The following APBB2 variants were observed in gnomAD, a reference collection of about 807,000 sequenced individuals.
APBB2 encodes the protein amyloid beta precursor protein binding family B member 2, also known as Fe65-like 1.
In APBB2, 38 loss-of-function variants were observed where a neutral mutation model predicts 82.5. That is an observed-to-expected ratio of 0.46 (90% CI 0.36 to 0.60). The LOEUF (loss-of-function observed/expected upper bound fraction) is 0.60. Ranked by LOEUF, APBB2 falls within the 20% of genes least tolerant of loss-of-function variation. APBB2 has a pLI of 0.00. For synonymous variants in APBB2, 341 were observed against 368.2 expected, an observed-to-expected ratio of 0.93 and a Z score of 0.85; for missense variants, 772 against 972.3, an observed-to-expected ratio of 0.79 and a Z score of 2.74.
chr4:41,033,355 AAAAG>A lies in APBB2; in HGVS notation c.-50-55_-50-52del, dbSNP rs1324394833. The stretch of plus-strand genomic sequence containing the variant: ...ATTAAAACTCCAAATAACAAAGCAT[AAAAG>A]AAAGAAAAGCATAGCAGTGAAAATC... On this transcript the variant is annotated intron_variant, in intron 4 of 17. Coordinates refer to ENST00000508593, the MANE Select transcript of APBB2 (RefSeq NM_004307.2). The A allele has an allele frequency of 5.9e-6, 7 of 1,187,964 alleles. No homozygotes were observed. In the African/African-American group the frequency reaches 1.1e-4, roughly 19 times the overall value. 73.6% of individuals were successfully genotyped at this position (1,187,964 alleles called of 1,614,324 possible).
intron 11 of APBB2, 103 bp from the exon 12 acceptor site, chr4:40,890,594 C>T: frequency 6.8e-7 from 1 of 1,460,380 alleles, no homozygotes; most frequent in Non-Finnish European, 9.2e-7. Context: ...CAGAAGAAGC[C>T]ACCCTGGGGT....
Position 40,939,071 on chromosome 4 carries a change from C to T in APBB2, c.1045-3932G>A, listed in dbSNP as rs181789122. On this transcript the variant is annotated intron_variant, in intron 7 of 17. Coordinates refer to ENST00000508593, the MANE Select transcript of APBB2 (RefSeq NM_004307.2). ...ACCCACTCAGGGCTCTGCAGAGAGTCCCCACCAGGAAGAAGGCCCTCATCA... is the reference window on the plus strand; with the variant it reads ...ACCCACTCAGGGCTCTGCAGAGAGTTCCCACCAGGAAGAAGGCCCTCATCA... 7.9e-3 allele frequency among the ~76,000 whole-genome samples: 1,201 copies of T among 152,276 alleles called. 19 individuals carry two copies. The highest frequency in any genetic ancestry group is 0.028 in the African/African-American group (1,150 of 41,554).
At chr4:40,889,503 A>G (rs940248550) in intron 12 of APBB2, among the ~76,000 whole-genome samples, 3 of 152,180 alleles carry the variant, frequency 2.0e-5, no homozygotes, top group African/African-American at 7.2e-5. Flanking sequence ...GCTCTTGTCC[A>G]TTTTCAACAA....
chr4:41,079,897 G>A (rs971498068), intron 3 of APBB2, among the ~76,000 whole-genome samples: 1 of 152,032 alleles, frequency 6.6e-6, no homozygotes, highest in African/African-American at 2.4e-5. Flanking sequence ...CCCATTCAGA[G>A]TTCTAAACCA....
At chr4:40,853,516 C>A (rs1760169992) in intron 12 of APBB2, among the ~76,000 whole-genome samples, 1 of 151,762 alleles carries the variant, frequency 6.6e-6, no homozygotes, top group South Asian at 2.1e-4. Context: ...ATGGCATGAT[C>A]TCGGCTCACT....
chr4:41,197,738 C>G, intron 1 of APBB2, among the ~76,000 whole-genome samples: 14 of 152,146 alleles, frequency 9.2e-5, no homozygotes, highest in Non-Finnish European at 1.6e-4. Context: ...CCTGATACTC[C>G]TAGGAGATTT....
intron 4 of APBB2, among the ~76,000 whole-genome samples, chr4:41,062,607 A>C (rs1329315334): frequency 6.6e-6 from 1 of 152,198 alleles, no homozygotes; most frequent in Admixed American, 6.5e-5. Context: ...TCAGAGATGG[A>C]AACCATGAGA....
intron 10 of APBB2, among the ~76,000 whole-genome samples, chr4:40,932,861 T>A (rs1784548213): frequency 6.6e-6 from 1 of 150,766 alleles, no homozygotes; most frequent in Non-Finnish European, 1.5e-5. Flanking sequence ...CTTGTTAAGA[T>A]GTTTTGTTTT....
Position 40,982,448 on chromosome 4 carries a change from A to AGAAAGAAAGAAAGAAG in APBB2, c.835+31134_835+31135insCTTCTTTCTTTCTTTC, listed in dbSNP as rs1491461148. ...AAGAAAGAAAGAAAGAAAGAAAGAA[A>AGAAAGAAAGAAAGAAG]GAAAGAATGAATGAATTTGAGACCA... On this transcript the variant is annotated intron_variant, in intron 6 of 17. Coordinates refer to ENST00000508593, the MANE Select transcript of APBB2 (RefSeq NM_004307.2). Among the ~76,000 whole-genome samples, 13 of 131,170 alleles carry AGAAAGAAAGAAAGAAG rather than the reference A, an allele frequency of 9.9e-5. 3 individuals carry two copies. Among genetic ancestry groups the AGAAAGAAAGAAAGAAG allele is most frequent in the African/African-American group, 3.8e-4 (13 of 34,448 alleles). 86.1% of individuals were successfully genotyped at this position (131,170 alleles called of 152,430 possible).
At chr4:41,024,238 C>A (rs1713012382) in intron 5 of APBB2, among the ~76,000 whole-genome samples, 1 of 152,148 alleles carries the variant, frequency 6.6e-6, no homozygotes, top group Admixed American at 6.5e-5. Flanking sequence ...GCCTGGAAGA[C>A]AGCCTAAGCA....
chr4:40,854,990 C>A (rs1452432800), intron 12 of APBB2, among the ~76,000 whole-genome samples: 3 of 152,178 alleles, frequency 2.0e-5, no homozygotes, highest in African/African-American at 7.2e-5. Context: ...CAGCTGCAGG[C>A]TCCTTTGAGA....
chr4:41,111,185 G>A (rs75431139), intron 2 of APBB2, among the ~76,000 whole-genome samples: 1,881 of 152,288 alleles, frequency 0.012, 19 homozygotes, highest in Non-Finnish European at 0.019. Flanking sequence ...AGGAGCAGCT[G>A]GAAATATAGA....
At chr4:40,817,041 A>C (rs1283704045) in intron 17 of APBB2, among the ~76,000 whole-genome samples, 1 of 152,176 alleles carries the variant, frequency 6.6e-6, no homozygotes, top group African/African-American at 2.4e-5. Flanking sequence ...TGGGAAGATA[A>C]CTAATTCTTT....
At chr4:40,872,197 T>C (rs1765687193) in intron 12 of APBB2, among the ~76,000 whole-genome samples, 1 of 152,238 alleles carries the variant, frequency 6.6e-6, no homozygotes, top group African/African-American at 2.4e-5. Context: ...GACTTTATCA[T>C]CAGCTTTAGA....
intron 2 of APBB2, among the ~76,000 whole-genome samples, chr4:41,141,270 G>A (rs780832162): frequency 6.6e-6 from 1 of 152,118 alleles, no homozygotes; most frequent in Non-Finnish European, 1.5e-5. Flanking sequence ...AGGAGATGCT[G>A]GGTTTAGGCA....
intron 4 of APBB2, among the ~76,000 whole-genome samples, chr4:41,040,228 C>T (rs1263991296): frequency 6.6e-6 from 1 of 152,140 alleles, no homozygotes; most frequent in Non-Finnish European, 1.5e-5. Context: ...GTGATGAATA[C>T]TTTTAAAGTA....
At chr4:40,973,977 G>A (rs1452663683) in intron 6 of APBB2, among the ~76,000 whole-genome samples, 7 of 151,608 alleles carry the variant, frequency 4.6e-5, no homozygotes, top group Non-Finnish European at 1.0e-4. Flanking sequence ...TCAGCCTTCC[G>A]AGTAGCTGGG....
At position 41,127,174 on chromosome 4, in the gene APBB2, CA is replaced by C. The variant is rs887007442; in HGVS notation, c.-261+15812del. 2.6e-3 allele frequency among the ~76,000 whole-genome samples: 362 copies of C among 139,570 alleles called. No homozygotes were observed. Among genetic ancestry groups the C allele is most frequent in the African/African-American group, 5.9e-3 (226 of 38,170 alleles). The allele number at this position is 139,570 out of a possible 152,430, so 91.6% of individuals were successfully genotyped here. A position where few individuals can be genotyped will look rare whatever the true frequency, so the allele number is the denominator to read the frequency against. On this transcript the variant is annotated intron_variant, in intron 2 of 17. Transcript: ENST00000508593. The surrounding 1 kb of genome is among the most constrained non-coding windows in gnomAD (Gnocchi z 4.8). ...CCCAATGACACCCTGATTTTGATTA[CA>C]AAAAAAAAAAGCAACATATCTTTTT...
intron 10 of APBB2, among the ~76,000 whole-genome samples, chr4:40,923,078 C>A (rs933893717): frequency 6.6e-6 from 1 of 151,786 alleles, no homozygotes; most frequent in Admixed American, 6.6e-5. Flanking sequence ...CAGGTTCACG[C>A]CATTCTCCTG....
Sources: allele counts gnomAD v4.1 joint callset (sites outside exome capture counted in the v4.1 genomes callset), GRCh38; gene constraint gnomAD v4.1.1; non-coding constraint Gnocchi (gnomAD v3.1); transcripts MANE v1.5; gene names NCBI Gene and HGNC (gene_info 2026-07-23, HGNC 2026-07-21).